The following PRPH2 variants were observed in gnomAD, a reference collection of about 807,000 sequenced individuals.
The protein encoded by PRPH2 is peripherin-2.
Under a neutral mutation model 31.3 loss-of-function variants are expected in PRPH2, and 17 were observed. The ratio of observed to expected loss-of-function variants is 0.54; its 90% confidence interval spans 0.37 to 0.81. The LOEUF (loss-of-function observed/expected upper bound fraction) is 0.81. PRPH2 is among the 40% of genes least tolerant of loss of function. The pLI is 0.00. For synonymous variants in PRPH2, 165 were observed against 184.4 expected, an observed-to-expected ratio of 0.89 and a Z score of 0.85; for missense variants, 430 against 439.7, an observed-to-expected ratio of 0.98 and a Z score of 0.20.
intron 2 of PRPH2, 132 bp downstream of exon 2, chr6:42,704,233 T>C (rs763665351): frequency 3.3e-5 from 40 of 1,226,428 alleles, no homozygotes; most frequent in Non-Finnish European, 4.4e-5. Flanking sequence ...CAGACTGATC[T>C]GACCCACAGC....
At chr6:42,702,553 A>G (rs74579922) in intron 2 of PRPH2, among the ~76,000 whole-genome samples, 1 of 151,416 alleles carries the variant, frequency 6.6e-6, no homozygotes, top group Non-Finnish European at 1.5e-5. Flanking sequence ...TGTGCCTGGC[A>G]TATGGGTACA....
chr6:42,703,541 C>G (rs889056020), intron 2 of PRPH2, among the ~76,000 whole-genome samples: 2 of 152,184 alleles, frequency 1.3e-5, no homozygotes, highest in African/African-American at 4.8e-5. Flanking sequence ...AAAGTGGGGA[C>G]ACAGGATGAA....
chr6:42,716,612 GTTTTTTT>G (rs145765747), intron 1 of PRPH2, among the ~76,000 whole-genome samples: 12 of 111,566 alleles, frequency 1.1e-4, no homozygotes, highest in Non-Finnish European at 2.0e-4. Context: ...GGTTTGGTTG[GTTTTTTT>G]TTTTTTTTTT....
At chr6:42,708,153 G>A (rs187424295) in intron 1 of PRPH2, among the ~76,000 whole-genome samples, 20 of 152,328 alleles carry the variant, frequency 1.3e-4, no homozygotes, top group African/African-American at 4.8e-4. Flanking sequence ...TGTAAGAACA[G>A]AGCCCACCAC....
chr6:42,703,804 A>G (rs1052370197), intron 2 of PRPH2, among the ~76,000 whole-genome samples: 2 of 152,174 alleles, frequency 1.3e-5, no homozygotes, highest in Non-Finnish European at 2.9e-5. Context: ...TCTCACCTCA[A>G]TTAAAAAAAC....
At chr6:42,705,595 AAAAAATATAT>A (rs1800144177) in intron 1 of PRPH2, among the ~76,000 whole-genome samples, 1 of 2,986 alleles carries the variant, frequency 3.3e-4, no homozygotes, top group Non-Finnish European at 6.7e-4. Context: ...AAAAAAAAAA[AAAAAATATAT>A]ATATATATAT....
chr6:42,699,267 T>A (rs1319027208), intron 2 of PRPH2, among the ~76,000 whole-genome samples: 1 of 152,038 alleles, frequency 6.6e-6, no homozygotes, highest in Admixed American at 6.6e-5. Flanking sequence ...GGTTTCCCCA[T>A]GTTGCCAGCT....
intron 1 of PRPH2, among the ~76,000 whole-genome samples, chr6:42,707,733 T>C (rs556665522): frequency 6.6e-6 from 1 of 152,286 alleles, no homozygotes; most frequent in African/African-American, 2.4e-5. Context: ...ATTAAGACTT[T>C]CTAGAAGGGC....
chr6:42,716,612 G>GTT (rs145765747), intron 1 of PRPH2, among the ~76,000 whole-genome samples: 1,320 of 111,218 alleles, frequency 0.012, 11 homozygotes, highest in African/African-American at 0.031. Context: ...GGTTTGGTTG[G>GTT]TTTTTTTTTT....
intron 2 of PRPH2, 92 bp from the exon 3 acceptor site, chr6:42,698,599 C>T (rs1799991483): frequency 1.3e-6 from 2 of 1,548,322 alleles, no homozygotes; most frequent in African/African-American, 1.4e-5. Flanking sequence ...ATTGAGGGTC[C>T]CAGAGAGGAC....
intron 2 of PRPH2, 108 bp downstream of exon 2, chr6:42,704,257 G>T: frequency 6.8e-7 from 1 of 1,465,258 alleles, no homozygotes; most frequent in Non-Finnish European, 9.3e-7. Context: ...ACTGAAGGCT[G>T]TTTCCAAAGA....
At position 42,704,436 on chromosome 6, in the gene PRPH2, C is replaced by T. The variant is rs1800111105; in HGVS notation, c.757G>A (p.Ala253Thr). ...AGGCTGCTGTAGTAGCTCAGCAGGG[C>T]AGCCCTGCAGCCACGCACCCACAGG... ...LNLWVRGCRA[A>T]LLSYYSSLMN... The change falls in exon 2 of 3, where the codon GCC (alanine) becomes ACC (threonine). Residue 253 changes from alanine (A) to threonine (T), a missense_variant. Coordinates refer to ENST00000230381, the MANE Select transcript of PRPH2 (RefSeq NM_000322.5). The T allele has an allele frequency of 6.2e-7, 1 of 1,611,556 alleles. No individual in the cohort carries two copies. Among genetic ancestry groups the T allele is most frequent in the Non-Finnish European group, 8.5e-7 (1 of 1,179,024 alleles).
At chr6:42,704,705 T>A in intron 1 of PRPH2, 94 bp from the exon 2 acceptor site, 1 of 1,562,834 alleles carries the variant, frequency 6.4e-7, no homozygotes, top group Admixed American at 1.7e-5. Context: ...CCTAGAATAG[T>A]CATTCACTCG....
chr6:42,698,226 A>AG lies in PRPH2; in HGVS notation c.*68dup. 2.5e-6 allele frequency: 4 copies of AG among 1,599,424 alleles called. No homozygotes were observed. Among genetic ancestry groups the AG allele is most frequent in the Non-Finnish European group, 3.4e-6 (4 of 1,172,632 alleles). The stretch of plus-strand genomic sequence containing the variant: ...AGATTCAGACTTTCGGAGTTGGATG[A>AG]GGGGGAGATCCACGTTTCTTGGAGT... On this transcript the variant is annotated 3_prime_UTR_variant, in exon 3 of 3. Coordinates refer to ENST00000230381, the MANE Select transcript of PRPH2 (RefSeq NM_000322.5).
At position 42,698,113 on chromosome 6, in the gene PRPH2, C is replaced by T; in HGVS notation, c.*182G>A. 3.8e-6 allele frequency: 3 copies of T among 797,870 alleles called. No individual in the cohort carries two copies. Among genetic ancestry groups the T allele is most frequent in the Non-Finnish European group, 5.9e-6 (3 of 508,556 alleles). The allele number at this position is 797,870 out of a possible 1,614,324, so 49.4% of individuals were successfully genotyped here. A position where few individuals can be genotyped will look rare whatever the true frequency, so the allele number is the denominator to read the frequency against. On this transcript the variant is annotated 3_prime_UTR_variant, in exon 3 of 3. Transcript: ENST00000230381. ...TCATTCACATTTTGGGTCAGTCATT[C>T]AACAACTGTGTGTCAAATGCTTTTA... is the stretch of plus-strand genomic sequence containing the variant.
chr6:42,698,055 C>A lies in PRPH2; in HGVS notation c.*240G>T, dbSNP rs1031317863. On this transcript the variant is annotated 3_prime_UTR_variant, in exon 3 of 3. Transcript: ENST00000230381. ...GAGGGCATATCCTAGGGCAGCGGGC[C>A]TGAAGGGAGCTTCACTCACATTCAC... 3.5e-6 allele frequency: 2 copies of A among 566,116 alleles called. No homozygotes were observed. Among genetic ancestry groups the A allele is most frequent in the African/African-American group, 3.8e-5 (2 of 53,088 alleles). The allele number at this position is 566,116 out of a possible 1,614,324, so 35.1% of individuals were successfully genotyped here. A position where few individuals can be genotyped will look rare whatever the true frequency, so the allele number is the denominator to read the frequency against.
In PRPH2 at chr6:42,722,401, G is replaced by A. The variant is rs1761923410; in HGVS notation, c.-67C>T. On this transcript the variant is annotated 5_prime_UTR_variant, in exon 1 of 3. Coordinates refer to ENST00000230381, the MANE Select transcript of PRPH2 (RefSeq NM_000322.5). The surrounding 1 kb of genome is among the most constrained non-coding windows in gnomAD (Gnocchi z 4.4). ...CCCACCCCAAACCTTAACGAGCCCA[G>A]AGGCGGAGACTTAGGGCCTTGGGAA... is the stretch of plus-strand genomic sequence containing the variant. 6.3e-7 allele frequency: 1 copy of A among 1,599,520 alleles called. No individual in the cohort carries two copies.
Position 42,698,199 on chromosome 6 carries a change from G to C in PRPH2, c.*96C>G. 6.5e-7 allele frequency: 1 copy of C among 1,536,676 alleles called. No individual in the cohort carries two copies. Among genetic ancestry groups the C allele is most frequent in the South Asian group, 1.2e-5 (1 of 86,502 alleles). ...TCTCTGTAAGATGGTGCCCTCCTTG[G>C]GAGATTCAGACTTTCGGAGTTGGAT... On this transcript the variant is annotated 3_prime_UTR_variant, in exon 3 of 3. Coordinates refer to ENST00000230381, the MANE Select transcript of PRPH2 (RefSeq NM_000322.5).
chr6:42,716,821 A>G (rs1403132417), intron 1 of PRPH2, among the ~76,000 whole-genome samples: 1 of 150,330 alleles, frequency 6.7e-6, no homozygotes, highest in Non-Finnish European at 1.5e-5. Flanking sequence ...AGTTTCACCA[A>G]GTTGGTCAGG....
Sources: allele counts gnomAD v4.1 joint callset (sites outside exome capture counted in the v4.1 genomes callset), GRCh38; gene constraint gnomAD v4.1.1; non-coding constraint Gnocchi (gnomAD v3.1); transcripts MANE v1.5; gene names NCBI Gene and HGNC (gene_info 2026-07-23, HGNC 2026-07-21).